C1orf21: variants seen among roughly 807,000 people sequenced by gnomAD.
The protein encoded by C1orf21 is chromosome 1 open reading frame 21, also known as uncharacterized protein C1orf21.
C1orf21 carries 3 observed loss-of-function variants against 18.7 expected under a neutral mutation model. The ratio of observed to expected loss-of-function variants is 0.16; its 90% CI spans 0.07 to 0.42. The LOEUF (loss-of-function observed/expected upper bound fraction) is 0.42, where lower values mean the gene tolerates loss of function less well. Among genes scored for constraint, C1orf21 ranks in the 10% least tolerant of loss-of-function variants. C1orf21 has a pLI of 0.99. For synonymous variants in C1orf21, 41 were observed against 46.4 expected, an observed-to-expected ratio of 0.88 and a Z score of 0.47; for missense variants, 104 against 143.6, an observed-to-expected ratio of 0.72 and a Z score of 1.41.
chr1:184,431,621 G>C (rs1656765810), intron 1 of C1orf21, among the ~76,000 whole-genome samples: 1 of 152,110 alleles, frequency 6.6e-6, no homozygotes, highest in African/African-American at 2.4e-5. Flanking sequence ...TGACAAACGG[G>C]ATCTAATTAA....
intron 3 of C1orf21, among the ~76,000 whole-genome samples, chr1:184,533,955 G>A (rs1304018218): frequency 6.6e-6 from 1 of 152,226 alleles, no homozygotes; most frequent in Non-Finnish European, 1.5e-5. Flanking sequence ...TTGGTTGGCA[G>A]AGTAAAGTCA....
chr1:184,604,251 C>A (rs927535532), intron 5 of C1orf21, among the ~76,000 whole-genome samples: 1 of 152,048 alleles, frequency 6.6e-6, no homozygotes, highest in African/African-American at 2.4e-5. Flanking sequence ...TAGTGCCCAC[C>A]AATGATAAGA....
chr1:184,596,919 T>G (rs924829765), intron 4 of C1orf21, among the ~76,000 whole-genome samples: 16 of 151,928 alleles, frequency 1.1e-4, no homozygotes, highest in African/African-American at 3.9e-4. Flanking sequence ...AAGAAGTGTT[T>G]ATGAGAGAGA....
intron 1 of C1orf21, among the ~76,000 whole-genome samples, chr1:184,410,657 A>ATT (rs1288267403): frequency 5.0e-4 from 3 of 5,976 alleles, no homozygotes; most frequent in Non-Finnish European, 7.3e-4. Context: ...ATATATATAT[A>ATT]TATATATTTT....
At chr1:184,430,428 A>C (rs1656722491) in intron 1 of C1orf21, among the ~76,000 whole-genome samples, 1 of 152,224 alleles carries the variant, frequency 6.6e-6, no homozygotes, top group South Asian at 2.1e-4. Flanking sequence ...TTTTCTGCCA[A>C]CTATTAATAA....
At chr1:184,441,048 A>G (rs1656935808) in intron 1 of C1orf21, among the ~76,000 whole-genome samples, 1 of 152,178 alleles carries the variant, frequency 6.6e-6, no homozygotes, top group African/African-American at 2.4e-5. Context: ...CCTTTTGGAG[A>G]GGCATCACGG....
chr1:184,421,873 A>G (rs903413332), intron 1 of C1orf21, among the ~76,000 whole-genome samples: 1 of 147,408 alleles, frequency 6.8e-6, no homozygotes, highest in Non-Finnish European at 1.5e-5. Context: ...ACTTAAGCTC[A>G]TGACCATTGT....
chr1:184,447,874 CTT>C (rs909408404), intron 1 of C1orf21, among the ~76,000 whole-genome samples: 1 of 152,150 alleles, frequency 6.6e-6, no homozygotes, highest in African/African-American at 2.4e-5. Flanking sequence ...CTGATAATAT[CTT>C]AGTACGGCCC....
intron 1 of C1orf21, among the ~76,000 whole-genome samples, chr1:184,428,611 C>T (rs955612744): frequency 6.6e-6 from 1 of 152,118 alleles, no homozygotes; most frequent in East Asian, 1.9e-4. Context: ...GATTATTGAC[C>T]TTAAAGTAAT....
chr1:184,397,356 G>A (rs570801694), intron 1 of C1orf21, among the ~76,000 whole-genome samples: 3 of 152,324 alleles, frequency 2.0e-5, no homozygotes, highest in African/African-American at 7.2e-5. Context: ...GGAGGCCAAG[G>A]AGGGCAGGTC....
At chr1:184,444,359 G>T (rs894706124) in intron 1 of C1orf21, among the ~76,000 whole-genome samples, 1 of 152,148 alleles carries the variant, frequency 6.6e-6, no homozygotes, top group African/African-American at 2.4e-5. Flanking sequence ...CATGGGGTCA[G>T]TTTCCACCGT....
At chr1:184,464,813 G>T (rs1189895354) in intron 1 of C1orf21, among the ~76,000 whole-genome samples, 1 of 152,196 alleles carries the variant, frequency 6.6e-6, no homozygotes, top group Admixed American at 6.5e-5. Context: ...TGATGAAGAG[G>T]TTGCTTAGCT....
chr1:184,538,083 A>C (rs897127206), intron 3 of C1orf21, among the ~76,000 whole-genome samples: 2 of 151,492 alleles, frequency 1.3e-5, no homozygotes, highest in East Asian at 3.9e-4. Flanking sequence ...TCCCACCAAC[A>C]GTGTACAAGA....
At chr1:184,572,787 A>G (rs1170191304) in intron 3 of C1orf21, among the ~76,000 whole-genome samples, 1 of 152,076 alleles carries the variant, frequency 6.6e-6, no homozygotes, top group Non-Finnish European at 1.5e-5. Flanking sequence ...CCCCATCTCT[A>G]CTGAAAATAC....
At chr1:184,523,257 A>G (rs140993221) in intron 3 of C1orf21, among the ~76,000 whole-genome samples, 54 of 152,304 alleles carry the variant, frequency 3.5e-4, no homozygotes, top group Non-Finnish European at 7.2e-4. Flanking sequence ...ACAATACCTC[A>G]GCCAGGTGAT....
At chr1:184,456,859 T>A (rs1190428018) in intron 1 of C1orf21, among the ~76,000 whole-genome samples, 1 of 152,212 alleles carries the variant, frequency 6.6e-6, no homozygotes, top group African/African-American at 2.4e-5. Flanking sequence ...AGACAAAACC[T>A]TTCATATATG....
intron 3 of C1orf21, among the ~76,000 whole-genome samples, chr1:184,553,283 G>T (rs906093719): frequency 1.3e-5 from 2 of 152,122 alleles, no homozygotes; most frequent in South Asian, 2.1e-4. Flanking sequence ...ATATCTGCTG[G>T]ATTTCCATTA....
chr1:184,617,904 GTTTT>G (rs142357373), intron 5 of C1orf21, among the ~76,000 whole-genome samples: 2 of 87,496 alleles, frequency 2.3e-5, no homozygotes, highest in Admixed American at 1.4e-4. Flanking sequence ...TGTTGTTGTT[GTTTT>G]TTTTTTTTTT....
At chr1:184,393,332 C>T (rs535258035) in intron 1 of C1orf21, among the ~76,000 whole-genome samples, 142 of 151,748 alleles carry the variant, frequency 9.4e-4, no homozygotes, top group African/African-American at 3.3e-3. Flanking sequence ...CCTACTTTGC[C>T]CCACACCTCC....
Sources: allele counts gnomAD v4.1 joint callset (sites outside exome capture counted in the v4.1 genomes callset), GRCh38; gene constraint gnomAD v4.1.1; transcripts MANE v1.5; gene names NCBI Gene and HGNC (gene_info 2026-07-23, HGNC 2026-07-21).